Variants in SDK1 observed in about 807,000 individuals in gnomAD.
SDK1 encodes the protein protein sidekick-1.
SDK1 carries 157 observed loss-of-function variants against 245.5 expected under a neutral mutation model. The observed-to-expected ratio is 0.64, with a 90% CI of 0.56 to 0.73. The LOEUF is 0.73. Among genes scored for constraint, SDK1 ranks in the 30% least tolerant of loss-of-function variants. The pLI is 0.00. For synonymous variants in SDK1, 1,647 were observed against 1,278.5 expected (o/e 1.29, Z -6.15); for missense variants, 3,583 against 3,002.3 (o/e 1.19, Z -4.52).
intron 4 of SDK1, among the ~76,000 whole-genome samples, chr7:3,715,962 G>A (rs968508045): frequency 1.2e-4 from 18 of 152,160 alleles, no homozygotes; most frequent in African/African-American, 4.3e-4. Flanking sequence ...TATTTAAAAA[G>A]TGAAAGTGAG....
rs138535480 is a variant in SDK1 at position 3,967,337 on chromosome 7, C to T, written c.1449C>T (p.Thr483=). Reference sequence around the variant, plus strand: ...TCTCAGATATCGCTCCAGTGTTCACCCAGCGGCCAGTGGACACCACAGTTA... The same window carrying T: ...TCTCAGATATCGCTCCAGTGTTCACTCAGCGGCCAGTGGACACCACAGTTA... The part of the protein sequence containing the change: ...LDVTNIAPVF[T]QRPVDTTVTD... Residue 483 remains threonine (T), a synonymous_variant, in exon 10 of 45, where the codon ACC becomes ACT. Transcript: ENST00000404826. The T allele has an allele frequency of 3.0e-5, 49 of 1,613,862 alleles. No individual in the cohort carries two copies. The African/African-American group carries it at 6.3e-4, about 21-fold the overall frequency.
Position 4,113,317 on chromosome 7 carries a change from G to A in SDK1, c.3463G>A (p.Gly1155Arg). Reference sequence around the variant, plus strand: ...TCGAATGAAGCAAGTGAACATTGTTGGGCCGAGCCCCTACAGTCCGTCTTC... The same window carrying A: ...TCGAATGAAGCAAGTGAACATTGTTAGGCCGAGCCCCTACAGTCCGTCTTC... ...RFRMKQVNIV[G>R]PSPYSPSSRV... The change falls in exon 24 of 45, where the codon GGG (glycine) becomes AGG (arginine). Residue 1155 changes from glycine to arginine, a missense_variant. Coordinates refer to ENST00000404826, the MANE Select transcript of SDK1 (RefSeq NM_152744.4). The A allele has an allele frequency of 2.5e-6, 4 of 1,613,824 alleles. No homozygotes were observed. Among genetic ancestry groups the A allele is most frequent in the Non-Finnish European group, 3.4e-6 (4 of 1,179,944 alleles).
At chr7:3,438,677 T>C (rs1780100660) in intron 1 of SDK1, among the ~76,000 whole-genome samples, 3 of 152,148 alleles carry the variant, frequency 2.0e-5, no homozygotes, top group African/African-American at 7.2e-5. Flanking sequence ...CTCATCTCTA[T>C]TGCCAACCCA....
chr7:3,391,966 A>AATATATATATATATATACATATATAT (rs1781768494), intron 1 of SDK1, among the ~76,000 whole-genome samples: 1 of 143,974 alleles, frequency 6.9e-6, no homozygotes, highest in African/African-American at 2.7e-5. Flanking sequence ...TATATCATGT[A>AATATATATATATATATACATATATAT]ATATATATAT....
rs141002803 is a variant in SDK1, at chr7:3,479,545, T to A, written c.299-139535T>A. Among the ~76,000 whole-genome samples, 958 of 152,204 alleles carry A rather than the reference T, an allele frequency of 6.3e-3. 8 individuals are homozygous for A. The highest frequency in any genetic ancestry group is 0.022 in the African/African-American group (932 of 41,510). On this transcript the variant is annotated intron_variant, in intron 1 of 44. Coordinates refer to ENST00000404826, the MANE Select transcript of SDK1 (RefSeq NM_152744.4). ...ATTTAATGATTGTTTTTGCTCTGAT[T>A]AGCAATTAGTGAGATATGTTAAAAT...
intron 22 of SDK1, among the ~76,000 whole-genome samples, chr7:4,090,850 C>A (rs944139495): frequency 6.6e-6 from 1 of 152,110 alleles, no homozygotes; most frequent in Non-Finnish European, 1.5e-5. Context: ...TTATTTCACA[C>A]TATCACCTCC....
At chr7:3,628,715 A>G (rs1439975893) in intron 2 of SDK1, among the ~76,000 whole-genome samples, 3 of 152,180 alleles carry the variant, frequency 2.0e-5, no homozygotes, top group African/African-American at 2.4e-5. Context: ...CTGGGATCTG[A>G]TTTACTGCCT....
chr7:3,875,864 C>G (rs1206066532), intron 5 of SDK1, among the ~76,000 whole-genome samples: 1 of 152,154 alleles, frequency 6.6e-6, no homozygotes, highest in African/African-American at 2.4e-5. Context: ...AGTGTACCAC[C>G]TGCAGCTGGT....
intron 22 of SDK1, among the ~76,000 whole-genome samples, chr7:4,089,417 G>A (rs1584091979): frequency 1.3e-5 from 2 of 152,352 alleles, no homozygotes; most frequent in Admixed American, 1.3e-4. Context: ...CCGCCTCAGG[G>A]GGCCTCTGTG....
intron 4 of SDK1, among the ~76,000 whole-genome samples, chr7:3,725,002 T>C (rs1274478701): frequency 6.6e-6 from 1 of 152,260 alleles, no homozygotes; most frequent in African/African-American, 2.4e-5. Context: ...TCAGAGGCCT[T>C]CTTAAGCTGC....
intron 1 of SDK1, among the ~76,000 whole-genome samples, chr7:3,332,575 T>C (rs1001693072): frequency 6.6e-6 from 1 of 152,206 alleles, no homozygotes; most frequent in Non-Finnish European, 1.5e-5. Context: ...TATTGCCATT[T>C]ATAATAAATG....
At chr7:3,627,310 C>T (rs1330703712) in intron 2 of SDK1, among the ~76,000 whole-genome samples, 11 of 152,124 alleles carry the variant, frequency 7.2e-5, no homozygotes, top group African/African-American at 1.2e-4. Context: ...CTAGGACTAC[C>T]GGATCCTCTG....
At position 3,505,876 on chromosome 7, in the gene SDK1, C is replaced by G. The variant is rs138265992; in HGVS notation, c.299-113204C>G. On this transcript the variant is annotated intron_variant, in intron 1 of 44. Coordinates refer to ENST00000404826, the MANE Select transcript of SDK1 (RefSeq NM_152744.4). ...TCCTGGAACCAATCCCCTTTGAATA[C>G]CAAGGGAAGACTGTTGCTTTTATTT... Among the ~76,000 whole-genome samples, 12 of 152,246 alleles carry G rather than the reference C, an allele frequency of 7.9e-5. No individual in the cohort carries two copies. The East Asian group carries it at 2.3e-3, about 29-fold the overall frequency.
At chr7:3,917,039 A>T (rs1305768927) in intron 5 of SDK1, among the ~76,000 whole-genome samples, 1 of 152,228 alleles carries the variant, frequency 6.6e-6, no homozygotes, top group Non-Finnish European at 1.5e-5. Context: ...TTCCATCTAA[A>T]AACACTCCCA....
rs371446878 is a variant in SDK1, at chr7:3,882,636, G to A, written c.847+61053G>A. ...ATGGAGCCAGTGTAGAATGTAAATA[G>A]CATTGTTGGAGCGTGTTTCACCTCC... On this transcript the variant is annotated intron_variant, in intron 5 of 44. Coordinates refer to ENST00000404826, the MANE Select transcript of SDK1 (RefSeq NM_152744.4). Among the ~76,000 whole-genome samples the A allele has an allele frequency of 5.1e-4, 77 of 152,306 alleles. No homozygotes were observed. In the South Asian group the frequency reaches 0.016, roughly 31 times the overall value.
intron 1 of SDK1, among the ~76,000 whole-genome samples, chr7:3,336,125 G>C (rs1780193347): frequency 6.6e-6 from 1 of 152,124 alleles, no homozygotes; most frequent in Non-Finnish European, 1.5e-5. Context: ...AAGGGAGGGT[G>C]GTCTAACAAA....
chr7:3,805,196 G>C (rs1042801436), intron 4 of SDK1, among the ~76,000 whole-genome samples: 3 of 152,170 alleles, frequency 2.0e-5, no homozygotes, highest in Non-Finnish European at 2.9e-5. Context: ...AAAAAATACA[G>C]TTGTTTTTTG....
At chr7:4,224,333 A>G (rs766596636) in intron 40 of SDK1, among the ~76,000 whole-genome samples, 11 of 152,240 alleles carry the variant, frequency 7.2e-5, no homozygotes, top group Non-Finnish European at 1.2e-4. Flanking sequence ...GCTTCCAATC[A>G]TGGCAGAAAG....
At position 4,233,302 on chromosome 7, in the gene SDK1, A is replaced by G; in HGVS notation, c.5875A>G (p.Thr1959Ala). 6.2e-7 allele frequency: 1 copy of G among 1,613,930 alleles called. No individual in the cohort carries two copies. The highest frequency in any genetic ancestry group is 1.1e-5 in the South Asian group (1 of 91,084). Reference protein sequence around the residue: ...MFVKDIPRSATSYTLSLDKLR... With the variant: ...MFVKDIPRSAASYTLSLDKLR... ...TGTGAAGGACATCCCGCGGAGCGCC[A>G]CATCCTACACCCTCAGCCTGGATAA... The change falls in exon 41 of 45, where the codon ACA (threonine) becomes GCA (alanine). Residue 1959 changes from threonine (T) to alanine (A), a missense_variant. By Grantham distance (58) the Thr-to-Ala change is moderately conservative (BLOSUM62 0). Coordinates refer to ENST00000404826, the MANE Select transcript of SDK1 (RefSeq NM_152744.4).
Sources: gnomAD v4.1 joint callset for allele counts (sites outside exome capture counted in the v4.1 genomes callset) on GRCh38, gnomAD v4.1.1 for gene constraint, MANE v1.5 for transcripts, NCBI Gene and HGNC (gene_info 2026-07-23, HGNC 2026-07-21) for gene names.